FRMPD4: variants seen among roughly 807,000 people sequenced by gnomAD.
FRMPD4 encodes the protein FERM and PDZ domain containing 4, also known as FERM and PDZ domain-containing protein 4.
FRMPD4 carries 22 observed loss-of-function variants against 94.1 expected under a neutral mutation model. The ratio of observed to expected loss-of-function variants is 0.23; its 90% CI spans 0.17 to 0.33. The LOEUF is 0.33. Among genes scored for constraint, FRMPD4 ranks in the 10% least tolerant of loss-of-function variants. The pLI is 1.00. For missense variants in FRMPD4, 1,111 were observed against 1,339.9 expected (o/e 0.83, Z 2.67); for synonymous variants, 631 against 548.6 (o/e 1.15, Z -2.10).
chrX:12,282,516 G>A (rs1361080492), intron 1 of FRMPD4, among the ~76,000 whole-genome samples: 2 of 112,017 alleles, frequency 1.8e-5, no homozygotes, highest in African/African-American at 6.5e-5. Context: ...GCCCACAGAA[G>A]GTATCCTGTG....
chrX:12,169,279 G>GA (rs948911794), intron 1 of FRMPD4, among the ~76,000 whole-genome samples: 2 of 111,820 alleles, frequency 1.8e-5, no homozygotes, highest in African/African-American at 6.5e-5. Flanking sequence ...TGGACTGGAG[G>GA]AAAACTAAAG....
At chrX:12,170,687 C>T (rs1276893762) in intron 1 of FRMPD4, among the ~76,000 whole-genome samples, 1 of 112,695 alleles carries the variant, frequency 8.9e-6, no homozygotes, top group African/African-American at 3.2e-5. Flanking sequence ...GTAATTCAGA[C>T]TGATTGCAGT....
intron 1 of FRMPD4, among the ~76,000 whole-genome samples, chrX:12,312,072 C>G (rs1374115123): frequency 1.8e-5 from 2 of 110,477 alleles, no homozygotes; most frequent in African/African-American, 3.3e-5. Flanking sequence ...ACCAACATCT[C>G]TGTGCTCCAC....
intron 1 of FRMPD4, among the ~76,000 whole-genome samples, chrX:12,465,406 T>A (rs2057438983): frequency 9.0e-6 from 1 of 111,487 alleles, no homozygotes; most frequent in African/African-American, 3.3e-5. Flanking sequence ...TAATGGCCAC[T>A]TGGCTCCCAG....
intron 3 of FRMPD4, among the ~76,000 whole-genome samples, chrX:12,015,826 C>T (rs1348106399): frequency 8.9e-6 from 1 of 111,981 alleles, no homozygotes; most frequent in Non-Finnish European, 1.9e-5. Context: ...TACTTTGTAA[C>T]CATGAGGCAG....
At chrX:12,269,365 C>G (rs1404226329) in intron 1 of FRMPD4, among the ~76,000 whole-genome samples, 3 of 103,354 alleles carry the variant, frequency 2.9e-5, no homozygotes, top group African/African-American at 1.1e-4. Flanking sequence ...AAAAAAAAAT[C>G]TTCCTGGAAG....
intron 2 of FRMPD4, among the ~76,000 whole-genome samples, chrX:12,598,841 C>CA (rs202162354): frequency 0.054 from 5,871 of 109,265 alleles, 365 homozygotes; most frequent in African/African-American, 0.19. Flanking sequence ...TTTTAGTTAT[C>CA]AAAAAATGAG....
chrX:12,547,791 T>A (rs1325602815), intron 2 of FRMPD4, among the ~76,000 whole-genome samples: 2 of 112,237 alleles, frequency 1.8e-5, no homozygotes, highest in South Asian at 3.7e-4. Flanking sequence ...AACATCAACC[T>A]TAAAATTAAG....
chrX:12,096,224 AC>A (rs965323191), intron 3 of FRMPD4, among the ~76,000 whole-genome samples: 1 of 112,343 alleles, frequency 8.9e-6, no homozygotes, highest in Admixed American at 9.4e-5. Context: ...GCTGCCCGTG[AC>A]CATAATATTC....
intron 1 of FRMPD4, among the ~76,000 whole-genome samples, chrX:12,294,989 A>G (rs142808327): frequency 0.012 from 1,383 of 112,333 alleles, 27 homozygotes; most frequent in African/African-American, 0.042. Context: ...GATTATTTAC[A>G]TAGGTTTCTA....
intron 2 of FRMPD4, among the ~76,000 whole-genome samples, chrX:12,547,254 G>A (rs2058488495): frequency 9.0e-6 from 1 of 110,658 alleles, no homozygotes; most frequent in African/African-American, 3.3e-5. Flanking sequence ...TCAAGTAATC[G>A]GCCGAAGGAC....
chrX:12,184,999 T>C lies in FRMPD4; in HGVS notation c.41+45987T>C, dbSNP rs146218581. ...TTAAAAATAACTAAAAGAGTAAAAT[T>C]GGACTGTTTGTAACACAAAGGATAA... On this transcript the variant is annotated intron_variant, in intron 1 of 16. Transcript: ENST00000675598. Among the ~76,000 whole-genome samples, 536 of 111,293 alleles carry C rather than the reference T, an allele frequency of 4.8e-3. 5 individuals are homozygous for C. The highest frequency in any genetic ancestry group is 0.017 in the African/African-American group (513 of 30,622).
chrX:12,715,998 G>GCGGGGGCC, intron 14 of FRMPD4, 71 bp from the exon 15 acceptor site: 1 of 383,858 alleles, frequency 2.6e-6, no homozygotes. Flanking sequence ...ACAGAGACGA[G>GCGGGGGCC]CCTCCCACCC....
At position 12,352,663 on chromosome X, in the gene FRMPD4, C is replaced by T. The variant is rs552971580; in HGVS notation, c.42-146017C>T. Among the ~76,000 whole-genome samples, 5 of 112,061 alleles carry T rather than the reference C, an allele frequency of 4.5e-5. No homozygotes were observed. The South Asian group carries it at 1.9e-3, about 42-fold the overall frequency. ...CATTTCCAAAGAGGGAACATTTTAA[C>T]AGCAAAAGTAGAGTATAAATGAAGA... On this transcript the variant is annotated intron_variant, in intron 1 of 16. Coordinates refer to ENST00000675598, the MANE Select transcript of FRMPD4 (RefSeq NM_001368397.1).
intron 1 of FRMPD4, among the ~76,000 whole-genome samples, chrX:12,280,687 T>C (rs1323299481): frequency 1.8e-5 from 2 of 111,843 alleles, no homozygotes; most frequent in African/African-American, 6.5e-5. Flanking sequence ...CTCGGATCTA[T>C]GGATTTTGAC....
Position 12,331,759 on chromosome X carries a change from A to AG in FRMPD4, c.42-166921_42-166920insG, listed in dbSNP as rs1569234219. On this transcript the variant is annotated intron_variant, in intron 1 of 16. Coordinates refer to ENST00000675598, the MANE Select transcript of FRMPD4 (RefSeq NM_001368397.1). ...TATATAATTTATATATTTATATACT[A>AG]TATATAAATTATATATTATATATTT... 3.5e-3 allele frequency among the ~76,000 whole-genome samples: 212 copies of AG among 59,995 alleles called. 12 individuals carry two copies. The highest frequency in any genetic ancestry group is 5.0e-3 in the Non-Finnish European group (180 of 36,002). 52.1% of individuals were successfully genotyped at this position (59,995 alleles called of 115,157 possible). A position where few individuals can be genotyped will look rare whatever the true frequency, so the allele number is the denominator to read the frequency against.
rs150873156 is a variant in FRMPD4 at position 12,404,741 on chromosome X, T to C, written c.42-93939T>C. On this transcript the variant is annotated intron_variant, in intron 1 of 16. Coordinates refer to ENST00000675598, the MANE Select transcript of FRMPD4 (RefSeq NM_001368397.1). ...ATAATCTATGGGGTAAATATACTTT[T>C]TTTAAAAAAGCTATTTTTGCTGTCA... Among the ~76,000 whole-genome samples, 217 of 111,907 alleles carry C rather than the reference T, an allele frequency of 1.9e-3. 3 individuals are homozygous for C. In the East Asian group the frequency reaches 0.038, roughly 20 times the overall value.
chrX:12,308,104 C>T (rs962723011), intron 1 of FRMPD4, among the ~76,000 whole-genome samples: 1 of 111,981 alleles, frequency 8.9e-6, no homozygotes, highest in African/African-American at 3.2e-5. Context: ...CATATTCCAG[C>T]ATGCTCCTGC....
Position 12,717,653 on chromosome X carries a change from T to A in FRMPD4, c.2827T>A (p.Tyr943Asn). ...CATGTTCTTGGCCACTCACGAAGGC[T>A]ACCACCCCCTTGCAGAAGAGCAGAC... is the stretch of plus-strand genomic sequence containing the variant. ...SRMFLATHEG[Y>N]HPLAEEQTEF... Residue 943 changes from tyrosine (Y) to asparagine (N), a missense_variant, in exon 16 of 17, where the codon TAC becomes AAC. By Grantham distance (143) the Tyr-to-Asn change is moderately radical. This residue lies in a region of FRMPD4 where 551 missense variants were observed against 591.6 expected (regional missense o/e 0.93). Transcript: ENST00000675598. 8.3e-7 allele frequency: 1 copy of A among 1,209,837 alleles called. No homozygotes were observed. The highest frequency in any genetic ancestry group is 1.1e-6 in the Non-Finnish European group (1 of 894,772).
Sources: allele counts gnomAD v4.1 joint callset (sites outside exome capture counted in the v4.1 genomes callset), GRCh38; gene constraint gnomAD v4.1.1; regional missense constraint gnomAD v4.1.1; transcripts MANE v1.5; gene names NCBI Gene and HGNC (gene_info 2026-07-23, HGNC 2026-07-21).